NALF1: variants seen among roughly 807,000 people sequenced by gnomAD.
NALF1 encodes the protein family with sequence similarity 155 member A.
NALF1 carries 3 observed loss-of-function variants against 48.4 expected under a neutral mutation model. The ratio of observed to expected loss-of-function variants is 0.06; its 90% CI spans 0.03 to 0.16. NALF1 has a LOEUF of 0.16. Ranked by LOEUF, NALF1 falls within the 10% of genes least tolerant of loss-of-function variation. The pLI is 1.00. For missense variants in NALF1, 526 were observed against 571.5 expected (o/e 0.92, Z 0.81); for synonymous variants, 262 against 245.7 (o/e 1.07, Z -0.62).
chr13:107,589,510 T>G (rs1255488016), intron 1 of NALF1, among the ~76,000 whole-genome samples: 1 of 152,056 alleles, frequency 6.6e-6, no homozygotes, highest in Non-Finnish European at 1.5e-5. Context: ...CTTGATATAT[T>G]CAAACAGTTA....
At position 107,706,975 on chromosome 13, in the gene NALF1, T is replaced by G. The variant is rs866233417; in HGVS notation, c.915+158707A>C. 4.2e-4 allele frequency among the ~76,000 whole-genome samples: 50 copies of G among 117,990 alleles called. 1 individual carries two copies. Among genetic ancestry groups the G allele is most frequent in the Non-Finnish European group, 4.2e-4 (26 of 61,886 alleles). 77.4% of individuals were successfully genotyped at this position (117,990 alleles called of 152,430 possible). A position where few individuals can be genotyped will look rare whatever the true frequency, so the allele number is the denominator to read the frequency against. Reference sequence around the variant, plus strand: ...TCTCGCTCTGTCGCCCAGGCTGGAGTGCAGTGGCGTGATCTCGGCTCACTG... The same window carrying G: ...TCTCGCTCTGTCGCCCAGGCTGGAGGGCAGTGGCGTGATCTCGGCTCACTG... On this transcript the variant is annotated intron_variant, in intron 1 of 2. Coordinates refer to ENST00000375915, the MANE Select transcript of NALF1 (RefSeq NM_001080396.3).
intron 1 of NALF1, among the ~76,000 whole-genome samples, chr13:107,637,905 T>C (rs1009000175): frequency 6.6e-6 from 1 of 152,088 alleles, no homozygotes; most frequent in African/African-American, 2.4e-5. Flanking sequence ...TAATGTTCAC[T>C]GGCATTTTAG....
At chr13:107,522,506 C>T (rs1230186177) in intron 1 of NALF1, among the ~76,000 whole-genome samples, 2 of 152,046 alleles carry the variant, frequency 1.3e-5, no homozygotes, top group East Asian at 1.9e-4. Context: ...TCTCTACAGG[C>T]CACCTACTAG....
At position 107,671,437 on chromosome 13, in the gene NALF1, C is replaced by T. The variant is rs367671105; in HGVS notation, c.915+194245G>A. ...GAATGAAAAAGAGTCAGATCTATAGCTCATAAGCATAGTCTCTTACACTGC... is the reference window on the plus strand; with the variant it reads ...GAATGAAAAAGAGTCAGATCTATAGTTCATAAGCATAGTCTCTTACACTGC... On this transcript the variant is annotated intron_variant, in intron 1 of 2. Coordinates refer to ENST00000375915, the MANE Select transcript of NALF1 (RefSeq NM_001080396.3). 5.9e-5 allele frequency among the ~76,000 whole-genome samples: 9 copies of T among 152,070 alleles called. No homozygotes were observed. In the South Asian group the frequency reaches 1.9e-3, roughly 32 times the overall value.
At chr13:107,835,710 A>G (rs1182169158) in intron 1 of NALF1, among the ~76,000 whole-genome samples, 1 of 152,204 alleles carries the variant, frequency 6.6e-6, no homozygotes, top group Non-Finnish European at 1.5e-5. Context: ...AGCAATAGTG[A>G]CAGGAAATGT....
chr13:107,613,141 C>G (rs747258674), intron 1 of NALF1, among the ~76,000 whole-genome samples: 1 of 152,174 alleles, frequency 6.6e-6, no homozygotes, highest in East Asian at 1.9e-4. Context: ...TCCAAACTTG[C>G]AGTTATGTTT....
intron 1 of NALF1, among the ~76,000 whole-genome samples, chr13:107,812,640 C>A (rs1469661166): frequency 6.6e-6 from 1 of 152,022 alleles, no homozygotes; most frequent in Non-Finnish European, 1.5e-5. Flanking sequence ...TGTAAAACTT[C>A]TTATGATTGT....
intron 1 of NALF1, among the ~76,000 whole-genome samples, chr13:107,812,427 T>C (rs1242690558): frequency 6.6e-6 from 1 of 152,164 alleles, no homozygotes; most frequent in Non-Finnish European, 1.5e-5. Context: ...TTTTGATTTA[T>C]GTGCAAAGAA....
chr13:107,333,959 A>G (rs558879157), intron 1 of NALF1, among the ~76,000 whole-genome samples: 40 of 152,038 alleles, frequency 2.6e-4, no homozygotes, highest in Non-Finnish European at 5.6e-4. Flanking sequence ...ATTTTTGTAT[A>G]TTTTCCTTCC....
intron 1 of NALF1, among the ~76,000 whole-genome samples, chr13:107,816,072 A>C (rs1341655975): frequency 6.6e-6 from 1 of 152,160 alleles, no homozygotes; most frequent in Non-Finnish European, 1.5e-5. Flanking sequence ...ATGGTTGCCT[A>C]ACTCTGTGAA....
At chr13:107,357,577 T>C (rs59313057) in intron 1 of NALF1, among the ~76,000 whole-genome samples, 29,721 of 152,054 alleles carry the variant, frequency 0.2, 3,138 homozygotes, top group East Asian at 0.41. Context: ...AGAGAGAAAT[T>C]ACTTCTAGTT....
intron 1 of NALF1, among the ~76,000 whole-genome samples, chr13:107,507,885 C>T (rs548668718): frequency 2.0e-5 from 3 of 152,276 alleles, no homozygotes; most frequent in South Asian, 2.1e-4. Flanking sequence ...TAACTGAATG[C>T]TCTTCCAATG....
At chr13:107,689,105 T>A (rs560087529) in intron 1 of NALF1, among the ~76,000 whole-genome samples, 2 of 152,176 alleles carry the variant, frequency 1.3e-5, no homozygotes, top group African/African-American at 4.8e-5. Context: ...TTTTTTGTAT[T>A]CCCCTTGTCA....
At chr13:107,220,772 G>C (rs140127104) in intron 1 of NALF1, among the ~76,000 whole-genome samples, 1 of 152,260 alleles carries the variant, frequency 6.6e-6, no homozygotes, top group East Asian at 1.9e-4. Flanking sequence ...TGGGGGCTGA[G>C]GGTTTCTGGA....
intron 1 of NALF1, among the ~76,000 whole-genome samples, chr13:107,271,774 CTATATATATATATA>C (rs397838456): frequency 1.1e-3 from 30 of 27,616 alleles, no homozygotes; most frequent in Non-Finnish European, 1.9e-3. Flanking sequence ...TGCTACTGGA[CTATATATATATATA>C]TATATATATA....
intron 1 of NALF1, among the ~76,000 whole-genome samples, chr13:107,356,710 A>G (rs1882969457): frequency 6.6e-6 from 1 of 152,218 alleles, no homozygotes; most frequent in Non-Finnish European, 1.5e-5. Context: ...CTGGATTAGT[A>G]GTTTTTTGAA....
chr13:107,651,259 T>C (rs866966856), intron 1 of NALF1, among the ~76,000 whole-genome samples: 2 of 152,328 alleles, frequency 1.3e-5, no homozygotes, highest in African/African-American at 2.4e-5. Context: ...TTCTGTTCTG[T>C]ATTCTTTACT....
At chr13:107,409,118 C>T (rs1251689652) in intron 1 of NALF1, among the ~76,000 whole-genome samples, 3 of 152,140 alleles carry the variant, frequency 2.0e-5, no homozygotes, top group East Asian at 1.9e-4. Context: ...CCCCAAGTGG[C>T]AGAGATCAGA....
At chr13:107,183,871 A>G (rs1879117737) in intron 2 of NALF1, among the ~76,000 whole-genome samples, 1 of 152,202 alleles carries the variant, frequency 6.6e-6, no homozygotes, top group Non-Finnish European at 1.5e-5. Context: ...GAGGGATAGC[A>G]TTAGGAGAAA....
Sources: gnomAD v4.1 joint callset for allele counts (sites outside exome capture counted in the v4.1 genomes callset) on GRCh38, gnomAD v4.1.1 for gene constraint, MANE v1.5 for transcripts, NCBI Gene and HGNC (gene_info 2026-07-23, HGNC 2026-07-21) for gene names.